The following DMRTC2 variants were observed in gnomAD, a reference collection of about 807,000 sequenced individuals.
DMRTC2 encodes DMRT like family C2, also known as doublesex- and mab-3-related transcription factor C2.
DMRTC2 carries 13 observed loss-of-function variants against 39.9 expected under a neutral mutation model. The observed-to-expected ratio is 0.33, with a 90% CI of 0.21 to 0.52. DMRTC2 has a LOEUF of 0.52. Ranked by LOEUF, DMRTC2 falls within the 20% of genes least tolerant of loss-of-function variation. The pLI is 0.96. For missense variants in DMRTC2, 431 were observed against 472.8 expected, an observed-to-expected ratio of 0.91 and a Z score of 0.82; for synonymous variants, 189 against 185.2, an observed-to-expected ratio of 1.02 and a Z score of -0.17.
rs1555836786 is a variant in DMRTC2 at position 41,849,190 on chromosome 19, G to A, written c.689G>A (p.Gly230Glu). The A allele has an allele frequency of 3.7e-6, 6 of 1,614,144 alleles. No individual in the cohort carries two copies. Among genetic ancestry groups the A allele is most frequent in the Admixed American group, 1.7e-5 (1 of 60,012 alleles). The change falls in exon 6 of 9, where the codon GGA (glycine) becomes GAA (glutamate). Residue 230 changes from glycine (G) to glutamate (E), a missense_variant. Gly to Glu is a moderately conservative substitution (Grantham distance 98). Coordinates refer to ENST00000269945, the MANE Select transcript of DMRTC2 (RefSeq NM_001040283.3). The part of the protein sequence containing the change: ...PTHGPFTTCP[G>E]SHPVLTAPLS... ...CATGGGCCCTTCACCACCTGCCCAG[G>A]ATCTCACCCAGTACTGACAGCTCCT...
In DMRTC2 at chr19:41,847,524, C is replaced by T; in HGVS notation, c.96C>T (p.Pro32=). 6.2e-7 allele frequency: 1 copy of T among 1,614,202 alleles called. No individual in the cohort carries two copies. The highest frequency in any genetic ancestry group is 8.5e-7 in the Non-Finnish European group (1 of 1,180,014). ...ACCCCCAGAGCACAGAGCTGATCCCCAGGAGAGCCATCAGCCGCTCTCCAA... is the reference window on the plus strand; with the variant it reads ...ACCCCCAGAGCACAGAGCTGATCCCTAGGAGAGCCATCAGCCGCTCTCCAA... The part of the protein sequence containing the change: ...TRDPQSTELI[P]RRAISRSPTC... The change falls in exon 2 of 9, where the codon CCC becomes CCT. Residue 32 remains proline (P), a synonymous_variant. Transcript: ENST00000269945.
intron 7 of DMRTC2, 74 bp downstream of exon 7, chr19:41,850,446 A>G: frequency 1.9e-6 from 3 of 1,571,524 alleles, no homozygotes; most frequent in African/African-American, 2.7e-5. Flanking sequence ...AGGAAACTGA[A>G]GGAAGCAGGG....
chr19:41,850,752 C>G (rs1167048772), intron 8 of DMRTC2, 52 bp downstream of exon 8: 3 of 1,508,330 alleles, frequency 2.0e-6, no homozygotes, highest in African/African-American at 2.8e-5. Flanking sequence ...ATGGAGATCA[C>G]TGAAGTACAC....
At chr19:41,849,343 T>G in intron 6 of DMRTC2, 87 bp downstream of exon 6, 1 of 1,541,364 alleles carries the variant, frequency 6.5e-7, no homozygotes, top group Non-Finnish European at 8.7e-7. Context: ...CAGTGGATAA[T>G]GAAGATGAAA....
chr19:41,850,526 G>A lies in DMRTC2; in HGVS notation c.817G>A (p.Ala273Thr). The A allele has an allele frequency of 6.2e-7, 1 of 1,609,418 alleles. No homozygotes were observed. Among genetic ancestry groups the A allele is most frequent in the Non-Finnish European group, 8.5e-7 (1 of 1,177,786 alleles). Residue 273 changes from alanine (A) to threonine (T), a missense_variant and splice_region_variant, in exon 8 of 9, where the codon GCC (alanine) becomes ACC (threonine). Physicochemically the swap from Ala to Thr is moderately conservative, Grantham distance 58. Coordinates refer to ENST00000269945, the MANE Select transcript of DMRTC2 (RefSeq NM_001040283.3). ...TPDPLQLQPQ[A>T]SGASCLARTS... ...CTGCTTGTCTCCCTTTCCCTTGCAG[G>A]CCTCTGGAGCCTCGTGCCTGGCCCG...
chr19:41,848,280 A>G (rs1220718049), intron 3 of DMRTC2, among the ~76,000 whole-genome samples, 172 bp from the exon 4 acceptor site: 1 of 151,906 alleles, frequency 6.6e-6, no homozygotes, highest in African/African-American at 2.4e-5. Flanking sequence ...CAGGAGGCGG[A>G]GGTTGTAGTG....
chr19:41,845,004 G>C (rs2073793749), upstream of DMRTC2: 1 of 152,278 alleles, frequency 6.6e-6, no homozygotes, highest in Non-Finnish European at 1.5e-5. Flanking sequence ...GTGAGACAGG[G>C]TAAGAAAAGC....
At position 41,851,608 on chromosome 19, in the gene DMRTC2, A is replaced by T; in HGVS notation, c.1016A>T (p.Gln339Leu). The change falls in exon 9 of 9, where the codon CAG becomes CTG. Residue 339 changes from glutamine to leucine, a missense_variant. Transcript: ENST00000269945. The stretch of plus-strand genomic sequence containing the variant: ...GCTCCTGCTGGAGGAAGAGGATTCC[A>T]GCCTGTTGGCCCCTGTCTTCGACCC... ...PPAPAGGRGF[Q>L]PVGPCLRPSP... is the part of the protein sequence containing the mutation. 3 of 1,614,204 alleles carry T rather than the reference A, an allele frequency of 1.9e-6. No individual in the cohort carries two copies. Among genetic ancestry groups the T allele is most frequent in the Non-Finnish European group, 2.5e-6 (3 of 1,180,032 alleles).
chr19:41,850,487 C>A, intron 7 of DMRTC2, 39 bp from the exon 8 acceptor site: 1 of 1,588,000 alleles, frequency 6.3e-7, no homozygotes, highest in South Asian at 1.1e-5. Flanking sequence ...TGGGCAGAAG[C>A]GGGGGTTCCC....
intron 8 of DMRTC2, 145 bp from the exon 9 acceptor site, chr19:41,851,439 C>G (rs1447065700): frequency 7.5e-6 from 5 of 665,810 alleles, no homozygotes; most frequent in African/African-American, 7.3e-5. Flanking sequence ...GGAGGCAAGA[C>G]TGGAGGTGGG....
rs1196477305 is a variant in DMRTC2 at position 41,847,793 on chromosome 19, G to C, written c.282G>C (p.Gln94His). The change falls in exon 3 of 9, where the codon CAG (glutamine) becomes CAC (histidine). Residue 94 changes from glutamine to histidine, a missense_variant. Transcript: ENST00000269945. ...QVALRRQQEA[Q>H]LKKHLMRRGE... ...CCTTGCGTAGGCAGCAGGAGGCGCA[G>C]CTAAAGAAGCACCTGATGAGGAGAG... The C allele has an allele frequency of 1.9e-6, 3 of 1,610,970 alleles. No homozygotes were observed. Among genetic ancestry groups the C allele is most frequent in the East Asian group, 4.5e-5 (2 of 44,760 alleles).
rs2073943410 is a variant in DMRTC2 at position 41,850,711 on chromosome 19, A to G, written c.991+11A>G. On this transcript the variant is annotated intron_variant, in intron 8 of 8. Transcript: ENST00000269945. ...CCTGTGGCCCACCAGGTGGGCCATG[A>G]AAGGAGAGGATGGATAGGGATGGCT... 1 of 1,553,936 alleles carries G rather than the reference A, an allele frequency of 6.4e-7. No individual in the cohort carries two copies. Among genetic ancestry groups the G allele is most frequent in the Non-Finnish European group, 8.7e-7 (1 of 1,151,600 alleles).
chr19:41,850,766 GA>G lies in DMRTC2; in HGVS notation c.991+67del. Reference sequence around the variant, plus strand: ...AATGGAGATCACTGAAGTACACAGGGACTAACCAAGGAGATGAGGGGGTCGA... The same window carrying G: ...AATGGAGATCACTGAAGTACACAGGGCTAACCAAGGAGATGAGGGGGTCGA... On this transcript the variant is annotated intron_variant, in intron 8 of 8. Transcript: ENST00000269945. 5 of 1,470,768 alleles carry G rather than the reference GA, an allele frequency of 3.4e-6. 1 individual carries two copies. In the South Asian group the frequency reaches 7.0e-5, roughly 20 times the overall value. The allele number at this position is 1,470,768 out of a possible 1,614,324, so 91.1% of individuals were successfully genotyped here. A position where few individuals can be genotyped will look rare whatever the true frequency, so the allele number is the denominator to read the frequency against.
chr19:41,851,075 C>A, intron 8 of DMRTC2: 1 of 243,856 alleles, frequency 4.1e-6, no homozygotes, highest in Non-Finnish European at 7.8e-6. Context: ...CTTCAAGGAG[C>A]TTACGTTCTA....
Position 41,848,762 on chromosome 19 carries a change from C to T in DMRTC2, c.448-33C>T, listed in dbSNP as rs782769308. On this transcript the variant is annotated intron_variant, in intron 4 of 8. Coordinates refer to ENST00000269945, the MANE Select transcript of DMRTC2 (RefSeq NM_001040283.3). The stretch of plus-strand genomic sequence containing the variant: ...CACTCAATCCTTTTCCAGCCTTGTA[C>T]CCAACTCCAGCCTGTGCCCTCTGCC... 3.7e-6 allele frequency: 6 copies of T among 1,606,318 alleles called. No homozygotes were observed. The African/African-American group carries it at 6.7e-5, about 18-fold the overall frequency.
chr19:41,851,534 G>C lies in DMRTC2; in HGVS notation c.992-50G>C, dbSNP rs933918895. ...ATTCGGTAAAAAGAGGGGGTTGCTA[G>C]AAGGAAAAACAGGTGTGACCTGATC... is the stretch of plus-strand genomic sequence containing the variant. On this transcript the variant is annotated intron_variant, in intron 8 of 8. Transcript: ENST00000269945. 3.3e-6 allele frequency: 5 copies of C among 1,518,038 alleles called. No homozygotes were observed. In the African/African-American group the frequency reaches 5.5e-5, roughly 17 times the overall value. 94.0% of individuals were successfully genotyped at this position (1,518,038 alleles called of 1,614,324 possible). A position where few individuals can be genotyped will look rare whatever the true frequency, so the allele number is the denominator to read the frequency against.
intron 1 of DMRTC2, 27 bp from the exon 2 acceptor site, chr19:41,847,398 A>G: frequency 6.6e-7 from 1 of 1,522,630 alleles, no homozygotes; most frequent in Non-Finnish European, 8.8e-7. Flanking sequence ...CCACCTGGCT[A>G]TGCTTACCTT....
At chr19:41,850,250 T>C in intron 6 of DMRTC2, 62 bp from the exon 7 acceptor site, 1 of 1,302,254 alleles carries the variant, frequency 7.7e-7, no homozygotes, top group Non-Finnish European at 1.0e-6. Flanking sequence ...TGCCCCTCTT[T>C]CAATGTGTGC....
Position 41,849,237 on chromosome 19 carries a change from C to T in DMRTC2, c.736C>T (p.Pro246Ser), listed in dbSNP as rs782270178. 3 of 1,613,866 alleles carry T rather than the reference C, an allele frequency of 1.9e-6. No homozygotes were observed. Among genetic ancestry groups the T allele is most frequent in the East Asian group, 2.2e-5 (1 of 44,894 alleles). Residue 246 changes from proline (P) to serine (S), a missense_variant, in exon 6 of 9, where the codon CCC (proline) becomes TCC (serine). Physicochemically the swap from Pro to Ser is moderately conservative, Grantham distance 74 (BLOSUM62 -1). Coordinates refer to ENST00000269945, the MANE Select transcript of DMRTC2 (RefSeq NM_001040283.3). ...TAPLSGEPQG[P>S]PSQPRTHSTL... Reference sequence around the variant, plus strand: ...TCCTCTTTCTGGAGAGCCCCAAGGGCCCCCTAGCCAGCCCCGCACGTGAGT... The same window carrying T: ...TCCTCTTTCTGGAGAGCCCCAAGGGTCCCCTAGCCAGCCCCGCACGTGAGT...
Sources: allele counts gnomAD v4.1 joint callset (sites outside exome capture counted in the v4.1 genomes callset), GRCh38; gene constraint gnomAD v4.1.1; transcripts MANE v1.5; gene names NCBI Gene and HGNC (gene_info 2026-07-23, HGNC 2026-07-21).